Variants in PPP2R3A observed in about 807,000 individuals in gnomAD.
PPP2R3A encodes the protein protein phosphatase 2 regulatory subunit B''alpha.
A neutral mutation model predicts 106.9 loss-of-function variants in PPP2R3A; 80 were observed. The observed-to-expected ratio is 0.75, with a 90% CI of 0.62 to 0.90. PPP2R3A has a LOEUF of 0.90. Among genes scored for constraint, PPP2R3A ranks in the 40% least tolerant of loss-of-function variants. PPP2R3A has a pLI of 0.00. For synonymous variants in PPP2R3A, 483 were observed against 468.3 expected, an observed-to-expected ratio of 1.03 and a Z score of -0.41; for missense variants, 1,386 against 1,350.4, an observed-to-expected ratio of 1.03 and a Z score of -0.41.
intron 1 of PPP2R3A, among the ~76,000 whole-genome samples, chr3:135,978,699 C>G (rs1203704328): frequency 6.6e-6 from 1 of 151,712 alleles, no homozygotes; most frequent in Non-Finnish European, 1.5e-5. Flanking sequence ...AACTAAACCC[C>G]CAAATTATCA....
intron 13 of PPP2R3A, among the ~76,000 whole-genome samples, chr3:136,115,937 G>T (rs1937733797): frequency 6.6e-6 from 1 of 151,882 alleles, no homozygotes; most frequent in Non-Finnish European, 1.5e-5. Context: ...CCCGAGACTT[G>T]TAAGCGTCAA....
chr3:136,079,406 A>ATT (rs199806582), intron 7 of PPP2R3A: 365 of 156,762 alleles, frequency 2.3e-3, no homozygotes, highest in South Asian at 9.3e-3. Flanking sequence ...ATAATCCATA[A>ATT]TTTTTTTTTT....
chr3:136,125,694 A>C (rs1251717239), intron 13 of PPP2R3A, among the ~76,000 whole-genome samples: 1 of 152,192 alleles, frequency 6.6e-6, no homozygotes, highest in African/African-American at 2.4e-5. Context: ...TAAAAAAAGA[A>C]AGAAAACAAA....
chr3:135,973,112 G>T (rs193113239), intron 1 of PPP2R3A, among the ~76,000 whole-genome samples: 39 of 152,078 alleles, frequency 2.6e-4, no homozygotes, highest in Admixed American at 1.3e-3. Flanking sequence ...GTTAATTATT[G>T]TATGTGAGGT....
intron 3 of PPP2R3A, among the ~76,000 whole-genome samples, chr3:136,031,256 A>G (rs1168381244): frequency 6.6e-6 from 1 of 152,068 alleles, no homozygotes; most frequent in Non-Finnish European, 1.5e-5. Flanking sequence ...CATTTCCCTG[A>G]TCATTAGTGA....
intron 13 of PPP2R3A, among the ~76,000 whole-genome samples, chr3:136,142,615 G>T (rs1489747783): frequency 6.6e-6 from 1 of 152,166 alleles, no homozygotes; most frequent in Non-Finnish European, 1.5e-5. Flanking sequence ...TCCAAAGCCT[G>T]TGCTCTAAGC....
At position 136,107,351 on chromosome 3, in the gene PPP2R3A, G is replaced by C. The variant is rs150370823; in HGVS notation, c.3329+1029G>C. On this transcript the variant is annotated intron_variant, in intron 13 of 13. Transcript: ENST00000264977. ...CACTTCTCCTCCCCAGAAGCAACAA[G>C]TGTCATCATGTTCTTGCTTACTCTT... 4.3e-3 allele frequency among the ~76,000 whole-genome samples: 642 copies of C among 150,864 alleles called. 1 individual carries two copies. Among genetic ancestry groups the C allele is most frequent in the Non-Finnish European group, 6.9e-3 (470 of 67,824 alleles).
At position 136,146,494 on chromosome 3, in the gene PPP2R3A, T is replaced by G. The variant is rs1182037664; in HGVS notation, c.*1328T>G. ...CAGTGAAATGAACCTTGGGTTAGAG[T>G]TATGGTAGGCAAAAAGAAAAGGAGA... On this transcript the variant is annotated 3_prime_UTR_variant, in exon 14 of 14. Coordinates refer to ENST00000264977, the MANE Select transcript of PPP2R3A (RefSeq NM_002718.5). 3 of 152,116 alleles carry G rather than the reference T, an allele frequency of 2.0e-5. No homozygotes were observed. In the East Asian group the frequency reaches 5.8e-4, roughly 29 times the overall value. 9.4% of individuals were successfully genotyped at this position (152,116 alleles called of 1,614,324 possible).
chr3:136,022,220 G>A (rs1207679322), intron 2 of PPP2R3A, among the ~76,000 whole-genome samples: 1 of 151,966 alleles, frequency 6.6e-6, no homozygotes, highest in Admixed American at 6.6e-5. Context: ...AATTTCACTT[G>A]CTTATATGTA....
At chr3:135,968,545 A>G (rs1295483446) in intron 1 of PPP2R3A, among the ~76,000 whole-genome samples, 1 of 152,180 alleles carries the variant, frequency 6.6e-6, no homozygotes. Flanking sequence ...GATGACACAA[A>G]ATGAAGCTAG....
At chr3:136,095,799 G>T (rs1039808740) in intron 10 of PPP2R3A, among the ~76,000 whole-genome samples, 16 of 152,172 alleles carry the variant, frequency 1.1e-4, no homozygotes, top group African/African-American at 3.9e-4. Flanking sequence ...GTTATTCTCA[G>T]TGGTTCACAT....
intron 13 of PPP2R3A, among the ~76,000 whole-genome samples, chr3:136,135,655 T>G (rs1253622825): frequency 6.6e-6 from 1 of 152,166 alleles, no homozygotes; most frequent in Non-Finnish European, 1.5e-5. Flanking sequence ...CAGCATCCAC[T>G]TCCTGAGGTG....
intron 6 of PPP2R3A, among the ~76,000 whole-genome samples, chr3:136,073,871 C>T (rs577775727): frequency 6.6e-6 from 1 of 152,218 alleles, no homozygotes; most frequent in Non-Finnish European, 1.5e-5. Context: ...TAAAATAAGG[C>T]CTTCTAGTAT....
Position 136,003,409 on chromosome 3 carries a change from A to T in PPP2R3A, c.1911A>T (p.Leu637Phe). The T allele has an allele frequency of 6.2e-7, 1 of 1,614,048 alleles. No individual in the cohort carries two copies. The highest frequency in any genetic ancestry group is 1.1e-5 in the South Asian group (1 of 91,082). The change falls in exon 2 of 14, where the codon TTA (leucine) becomes TTT (phenylalanine). Residue 637 changes from leucine to phenylalanine, a missense_variant. Leu to Phe is a conservative substitution (Grantham distance 22, BLOSUM62 0). Transcript: ENST00000264977. Reference protein sequence around the residue: ...ETLTTSSQANLSVCRSPVGDK... With the variant: ...ETLTTSSQANFSVCRSPVGDK... The stretch of plus-strand genomic sequence containing the variant: ...TGACAACTTCCTCCCAGGCCAATTT[A>T]TCAGTCTGTAGAAGTCCTGTTGGTG...
Position 136,049,421 on chromosome 3 carries a change from A to G in PPP2R3A, c.2469+60A>G. 6 of 1,259,110 alleles carry G rather than the reference A, an allele frequency of 4.8e-6. 1 individual carries two copies. Among genetic ancestry groups the G allele is most frequent in the Non-Finnish European group, 6.9e-6 (6 of 875,366 alleles). The allele number at this position is 1,259,110 out of a possible 1,614,324, so 78.0% of individuals were successfully genotyped here. A position where few individuals can be genotyped will look rare whatever the true frequency, so the allele number is the denominator to read the frequency against. On this transcript the variant is annotated intron_variant, in intron 5 of 13. Coordinates refer to ENST00000264977, the MANE Select transcript of PPP2R3A (RefSeq NM_002718.5). The stretch of plus-strand genomic sequence containing the variant: ...TTTTGGAGTTTCAGCAGTTTTGTTT[A>G]AAATTTACAACTATAACATGTCAAT...
chr3:136,120,925 A>G (rs913920321), intron 13 of PPP2R3A, among the ~76,000 whole-genome samples: 1 of 152,210 alleles, frequency 6.6e-6, no homozygotes, highest in Non-Finnish European at 1.5e-5. Flanking sequence ...AAGTTAAAAA[A>G]AAATCACAGA....
intron 1 of PPP2R3A, among the ~76,000 whole-genome samples, chr3:135,968,520 A>G (rs1321767737): frequency 6.6e-6 from 1 of 152,232 alleles, no homozygotes; most frequent in Non-Finnish European, 1.5e-5. Flanking sequence ...CCCAGAAGCC[A>G]GGAACACGGA....
intron 13 of PPP2R3A, among the ~76,000 whole-genome samples, chr3:136,112,108 A>G (rs986008478): frequency 1.3e-5 from 2 of 152,170 alleles, no homozygotes; most frequent in South Asian, 2.1e-4. Flanking sequence ...TCATGTTAAA[A>G]ACCCTCAACA....
At chr3:135,980,662 A>G (rs1396923088) in intron 1 of PPP2R3A, among the ~76,000 whole-genome samples, 3 of 151,840 alleles carry the variant, frequency 2.0e-5, no homozygotes, top group Non-Finnish European at 4.4e-5. Context: ...ATAGACTCCT[A>G]TACATTGGTA....
Sources: allele counts gnomAD v4.1 joint callset (sites outside exome capture counted in the v4.1 genomes callset), GRCh38; gene constraint gnomAD v4.1.1; transcripts MANE v1.5; gene names NCBI Gene and HGNC (gene_info 2026-07-23, HGNC 2026-07-21).